ENTHD1: variants seen among roughly 807,000 people sequenced by gnomAD.
The protein encoded by ENTHD1 is ENTH domain containing 1, also known as ENTH domain-containing protein 1.
In ENTHD1, 23 loss-of-function variants were observed where a neutral mutation model predicts 39.1. The ratio of observed to expected loss-of-function variants is 0.59; its 90% CI spans 0.42 to 0.83. The LOEUF (loss-of-function observed/expected upper bound fraction) is 0.83, where lower values mean the gene tolerates loss of function less well. ENTHD1 is among the 40% of genes least tolerant of loss of function. The pLI is 0.00. For missense variants in ENTHD1, 624 were observed against 705.4 expected, an observed-to-expected ratio of 0.88 and a Z score of 1.31; for synonymous variants, 230 against 258.2, an observed-to-expected ratio of 0.89 and a Z score of 1.05.
intron 2 of ENTHD1, among the ~76,000 whole-genome samples, chr22:39,881,943 T>C (rs1175943928): frequency 6.6e-6 from 1 of 152,172 alleles, no homozygotes; most frequent in Non-Finnish European, 1.5e-5. Context: ...AGTATCTTCT[T>C]TTGTCTTCAT....
chr22:39,888,996 C>G (rs918528034), intron 1 of ENTHD1, among the ~76,000 whole-genome samples: 27 of 152,270 alleles, frequency 1.8e-4, no homozygotes, highest in African/African-American at 6.0e-4. Context: ...TAAATATAGT[C>G]TGCTTTCTTG....
At chr22:39,857,000 A>G (rs1177350260) in intron 3 of ENTHD1, among the ~76,000 whole-genome samples, 1 of 152,226 alleles carries the variant, frequency 6.6e-6, no homozygotes, top group African/African-American at 2.4e-5. Context: ...GACACTCAAT[A>G]TGTGTTTGTC....
chr22:39,840,877 C>T (rs530130764), intron 3 of ENTHD1, among the ~76,000 whole-genome samples: 4 of 152,160 alleles, frequency 2.6e-5, no homozygotes, highest in Admixed American at 2.6e-4. Context: ...CTCAGCCTCC[C>T]GAGTAGCTGG....
chr22:39,856,102 C>T (rs984403826), intron 3 of ENTHD1, among the ~76,000 whole-genome samples: 10 of 151,970 alleles, frequency 6.6e-5, no homozygotes, highest in Admixed American at 5.2e-4. Flanking sequence ...TGGAGAAACC[C>T]CGTCTCTACT....
intron 3 of ENTHD1, among the ~76,000 whole-genome samples, chr22:39,843,324 A>T (rs2065959882): frequency 6.6e-6 from 1 of 152,048 alleles, no homozygotes; most frequent in African/African-American, 2.4e-5. Flanking sequence ...CATGGATGAA[A>T]CTGGAAATAA....
intron 4 of ENTHD1, among the ~76,000 whole-genome samples, chr22:39,826,125 C>T (rs576639715): frequency 3.9e-5 from 6 of 152,244 alleles, no homozygotes; most frequent in African/African-American, 7.2e-5. Context: ...TCAAGTGATC[C>T]GCCTGCCTCG....
chr22:39,847,805 G>A (rs760207069), intron 3 of ENTHD1, among the ~76,000 whole-genome samples: 8 of 152,140 alleles, frequency 5.3e-5, no homozygotes, highest in Non-Finnish European at 7.3e-5. Flanking sequence ...GTTTTCTAAT[G>A]GTGCTATAAG....
chr22:39,877,465 C>T (rs958391938), intron 2 of ENTHD1, among the ~76,000 whole-genome samples: 2 of 152,156 alleles, frequency 1.3e-5, no homozygotes, highest in African/African-American at 4.8e-5. Flanking sequence ...CCACTTAGCC[C>T]CACACTGAGA....
At chr22:39,862,357 G>C (rs1025282082) in intron 2 of ENTHD1, among the ~76,000 whole-genome samples, 5 of 151,934 alleles carry the variant, frequency 3.3e-5, no homozygotes, top group African/African-American at 9.7e-5. Context: ...AGACCATCCT[G>C]GCCAATATGG....
chr22:39,838,083 A>G (rs2065919043), intron 3 of ENTHD1, among the ~76,000 whole-genome samples: 1 of 152,238 alleles, frequency 6.6e-6, no homozygotes, highest in Admixed American at 6.5e-5. Flanking sequence ...CATATGATAC[A>G]ATAAAATTAT....
At chr22:39,839,727 G>A (rs2065930406) in intron 3 of ENTHD1, among the ~76,000 whole-genome samples, 1 of 152,060 alleles carries the variant, frequency 6.6e-6, no homozygotes, top group Non-Finnish European at 1.5e-5. Flanking sequence ...TCACTTGCTC[G>A]GCATTCAGCA....
At chr22:39,764,208 T>A (rs1248135520) in intron 6 of ENTHD1, among the ~76,000 whole-genome samples, 1 of 152,176 alleles carries the variant, frequency 6.6e-6, no homozygotes, top group African/African-American at 2.4e-5. Context: ...ACACAGTGGA[T>A]CATGCCTGTG....
chr22:39,880,383 T>A (rs2066327580), intron 2 of ENTHD1, among the ~76,000 whole-genome samples: 1 of 152,168 alleles, frequency 6.6e-6, no homozygotes, highest in Admixed American at 6.5e-5. Flanking sequence ...CCACTCTGTG[T>A]GATATTATAA....
rs1325912458 is a variant in ENTHD1 at position 39,887,495 on chromosome 22, C to A, written c.254G>T (p.Gly85Val). ...GCAATGCTGAATAACTTTCTTTGATCCATTCTTGATGAGATAATCCATTAG... is the reference window on the plus strand; with the variant it reads ...GCAATGCTGAATAACTTTCTTTGATACATTCTTGATGAGATAATCCATTAG... ...LTLMDYLIKN[G>V]SKKVIQHCRE... Residue 85 changes from glycine to valine, a missense_variant, in exon 2 of 7, where the codon GGA (glycine) becomes GTA (valine). Coordinates refer to ENST00000325157, the MANE Select transcript of ENTHD1 (RefSeq NM_152512.4). 6.2e-7 allele frequency: 1 copy of A among 1,614,180 alleles called. No homozygotes were observed. The highest frequency in any genetic ancestry group is 2.2e-5 in the East Asian group (1 of 44,882).
At chr22:39,747,152 T>C (rs2065111940) in intron 6 of ENTHD1, among the ~76,000 whole-genome samples, 1 of 152,016 alleles carries the variant, frequency 6.6e-6, no homozygotes. Context: ...AATGCCTGGC[T>C]CTTTTCTTGA....
chr22:39,837,480 C>G (rs1404606384), intron 3 of ENTHD1, among the ~76,000 whole-genome samples: 1 of 152,156 alleles, frequency 6.6e-6, no homozygotes, highest in Admixed American at 6.5e-5. Context: ...ATAAGAACCT[C>G]TAAGGCACCA....
intron 5 of ENTHD1, among the ~76,000 whole-genome samples, chr22:39,782,784 A>C (rs538689882): frequency 6.6e-6 from 1 of 152,252 alleles, no homozygotes; most frequent in Non-Finnish European, 1.5e-5. Flanking sequence ...ATACCTCAAC[A>C]TAATAAAGGC....
chr22:39,777,320 A>AT (rs2065372743), intron 5 of ENTHD1, among the ~76,000 whole-genome samples: 1 of 152,160 alleles, frequency 6.6e-6, no homozygotes, highest in Admixed American at 6.5e-5. Flanking sequence ...ATTTTAATAT[A>AT]TTTTTTCTTA....
In ENTHD1 at chr22:39,867,215, A is replaced by T. The variant is rs769218857; in HGVS notation, c.350-5208T>A. Among the ~76,000 whole-genome samples the T allele has an allele frequency of 6.6e-6, 1 of 152,148 alleles. No individual in the cohort carries two copies. Among genetic ancestry groups the T allele is most frequent in the African/African-American group, 2.4e-5 (1 of 41,436 alleles). ...ACCGCGCCCGGCCCGAGAAATCTAT[A>T]TACATTTACAGCTGACCATCGTGTA... is the stretch of plus-strand genomic sequence containing the variant. On this transcript the variant is annotated intron_variant, in intron 2 of 6. Coordinates refer to ENST00000325157, the MANE Select transcript of ENTHD1 (RefSeq NM_152512.4). The surrounding 1 kb of genome is among the most constrained non-coding windows in gnomAD (Gnocchi z 4.5).
Sources: allele counts gnomAD v4.1 joint callset (sites outside exome capture counted in the v4.1 genomes callset), GRCh38; gene constraint gnomAD v4.1.1; non-coding constraint Gnocchi (gnomAD v3.1); transcripts MANE v1.5; gene names NCBI Gene and HGNC (gene_info 2026-07-23, HGNC 2026-07-21).